Variants in SORCS2 observed in about 807,000 individuals in gnomAD.
The protein encoded by SORCS2 is sortilin related VPS10 domain containing receptor 2, also known as VPS10 domain-containing receptor SorCS2.
SORCS2 carries 100 observed loss-of-function variants against 141.6 expected under a neutral mutation model. The ratio of observed to expected loss-of-function variants is 0.71; its 90% CI spans 0.60 to 0.83. The LOEUF (loss-of-function observed/expected upper bound fraction) is 0.83, where lower values mean the gene tolerates loss of function less well. Ranked by LOEUF, SORCS2 falls within the 40% of genes least tolerant of loss-of-function variation. The probability of loss-of-function intolerance (pLI) is 0.00; values close to 1 mark genes in which losing one functional copy is unlikely to be tolerated. For synonymous variants in SORCS2, 789 were observed against 676.9 expected (o/e 1.17, Z -2.57); for missense variants, 1,646 against 1,560.2 (o/e 1.05, Z -0.93).
intron 11 of SORCS2, among the ~76,000 whole-genome samples, chr4:7,689,962 G>A (rs1724116134): frequency 6.6e-6 from 1 of 152,136 alleles, no homozygotes; most frequent in African/African-American, 2.4e-5. Flanking sequence ...TCAATGGATG[G>A]ATGATGGATG....
intron 1 of SORCS2, among the ~76,000 whole-genome samples, chr4:7,298,117 C>T (rs377649265): frequency 5.3e-5 from 8 of 152,136 alleles, no homozygotes; most frequent in African/African-American, 1.9e-4. Flanking sequence ...GACAAGGAGG[C>T]GACGGGGCTG....
At chr4:7,645,137 C>T (rs1031138630) in intron 4 of SORCS2, among the ~76,000 whole-genome samples, 3 of 152,208 alleles carry the variant, frequency 2.0e-5, no homozygotes, top group Non-Finnish European at 2.9e-5. Flanking sequence ...GGTGACGACT[C>T]GCTTTTTAGG....
rs1465408638 is a variant in SORCS2 at position 7,648,498 on chromosome 4, G to A, written c.814-5636G>A. Among the ~76,000 whole-genome samples the A allele has an allele frequency of 6.6e-6, 1 of 152,150 alleles. No individual in the cohort carries two copies. The highest frequency in any genetic ancestry group is 2.4e-5 in the African/African-American group (1 of 41,432). ...CTCTGCCTGGGAGTATTTATAGAGGGCCTTCTAGGTTTCAGGAGCTGGGGC... is the reference window on the plus strand; with the variant it reads ...CTCTGCCTGGGAGTATTTATAGAGGACCTTCTAGGTTTCAGGAGCTGGGGC... On this transcript the variant is annotated intron_variant, in intron 4 of 26. Transcript: ENST00000507866. This position sits in a 1 kb window ranked among gnomAD's most constrained non-coding sequence, Gnocchi z 4.2.
At chr4:7,685,544 G>A (rs1054268722) in intron 10 of SORCS2, among the ~76,000 whole-genome samples, 2 of 152,154 alleles carry the variant, frequency 1.3e-5, no homozygotes, top group African/African-American at 2.4e-5. Context: ...GGTGGCACAT[G>A]CCTATAATCC....
rs1290078340 is a variant in SORCS2 at position 7,317,133 on chromosome 4, CA to C, written c.481-79154del. On this transcript the variant is annotated intron_variant, in intron 1 of 26. Coordinates refer to ENST00000507866, the MANE Select transcript of SORCS2 (RefSeq NM_020777.3). ...AATGTGTGCAGATCAAGAGCTTGCT[CA>C]GTCAACATTAATAAATGGCCATGGT... Among the ~76,000 whole-genome samples, 4 of 152,180 alleles carry C rather than the reference CA, an allele frequency of 2.6e-5. No homozygotes were observed. In the East Asian group the frequency reaches 7.7e-4, roughly 29 times the overall value.
intron 8 of SORCS2, among the ~76,000 whole-genome samples, chr4:7,669,275 C>T (rs1722665899): frequency 6.6e-6 from 1 of 152,240 alleles, no homozygotes; most frequent in Admixed American, 6.5e-5. Context: ...GGGCAGGTGG[C>T]ATGTGCTGTG....
At chr4:7,338,173 A>ATGGATGGATGT (rs140364453) in intron 1 of SORCS2, among the ~76,000 whole-genome samples, 71,486 of 145,094 alleles carry the variant, frequency 0.49, 17,842 homozygotes, top group African/African-American at 0.55. Context: ...GGATGGATGG[A>ATGGATGGATGT]TGGATGGATG....
At position 7,192,705 on chromosome 4, in the gene SORCS2, CGAGCCCCGG is replaced by C; in HGVS notation, c.61_69del (p.Ser21_Gly23del). On this transcript the variant is annotated inframe_deletion, in exon 1 of 27. Transcript: ENST00000507866. The surrounding 1 kb of genome is among the most constrained non-coding windows in gnomAD (Gnocchi z 4.0). The stretch of plus-strand genomic sequence containing the variant: ...GGCCCCGGCCCCACCGCCCGAGCCC[CGAGCCCCGG>C]GGCTCCGCCGCCGCCGCGCTCGCCG... 5.1e-6 allele frequency: 5 copies of C among 989,570 alleles called. No homozygotes were observed. The highest frequency in any genetic ancestry group is 6.0e-6 in the Non-Finnish European group (5 of 834,230). The allele number at this position is 989,570 out of a possible 1,614,324, so 61.3% of individuals were successfully genotyped here.
intron 1 of SORCS2, among the ~76,000 whole-genome samples, chr4:7,226,870 T>C (rs1374479694): frequency 6.6e-6 from 1 of 152,214 alleles, no homozygotes; most frequent in Non-Finnish European, 1.5e-5. Context: ...TTTTCCCTTC[T>C]GGGTCTCCTC....
chr4:7,612,470 C>T (rs1364910580), intron 3 of SORCS2, among the ~76,000 whole-genome samples: 1 of 152,152 alleles, frequency 6.6e-6, no homozygotes, highest in Admixed American at 6.5e-5. Flanking sequence ...TAAGGACAGG[C>T]CTCTGCCTGA....
At chr4:7,712,912 A>T in intron 15 of SORCS2, 59 bp downstream of exon 15, 1 of 1,592,504 alleles carries the variant, frequency 6.3e-7, no homozygotes, top group South Asian at 1.1e-5. Context: ...ACACAGGCCC[A>T]CTCTGCCTGC....
intron 2 of SORCS2, among the ~76,000 whole-genome samples, chr4:7,521,830 C>A (rs538689904): frequency 2.0e-5 from 3 of 152,240 alleles, no homozygotes; most frequent in Non-Finnish European, 4.4e-5. Flanking sequence ...ACTCAAGGGG[C>A]CTTGCAGCTG....
chr4:7,237,255 A>C (rs1712349367), intron 1 of SORCS2, among the ~76,000 whole-genome samples: 1 of 152,258 alleles, frequency 6.6e-6, no homozygotes, highest in African/African-American at 2.4e-5. Context: ...CAAGATGCCC[A>C]GGAAAACCTC....
chr4:7,379,469 C>T (rs920566450), intron 1 of SORCS2, among the ~76,000 whole-genome samples: 3 of 152,186 alleles, frequency 2.0e-5, no homozygotes, highest in African/African-American at 4.8e-5. Context: ...GAGTTGTGCA[C>T]ATGGAAAGGC....
intron 23 of SORCS2, among the ~76,000 whole-genome samples, chr4:7,730,748 G>A (rs553037885): frequency 6.6e-6 from 1 of 152,340 alleles, no homozygotes; most frequent in Non-Finnish European, 1.5e-5. Flanking sequence ...CGCATGGCGA[G>A]TGACTGCTAA....
In SORCS2 at chr4:7,724,619, GGA is replaced by G. The variant is rs1560114292; in HGVS notation, c.2612-534_2612-533del. On this transcript the variant is annotated intron_variant, in intron 19 of 26. Transcript: ENST00000507866. ...GTGATGGTGGTGATAGTGCTGGTGA[GGA>G]TGGTGATGGTGGTGATGGTGGAGGT... Among the ~76,000 whole-genome samples the G allele has an allele frequency of 2.7e-3, 164 of 61,622 alleles. 12 individuals are homozygous for G. Among genetic ancestry groups the G allele is most frequent in the Non-Finnish European group, 4.2e-3 (138 of 32,588 alleles). The allele number at this position is 61,622 out of a possible 152,430, so 40.4% of individuals were successfully genotyped here. A position where few individuals can be genotyped will look rare whatever the true frequency, so the allele number is the denominator to read the frequency against.
chr4:7,384,909 G>A (rs960948847), intron 1 of SORCS2, among the ~76,000 whole-genome samples: 5 of 152,238 alleles, frequency 3.3e-5, no homozygotes, highest in African/African-American at 1.2e-4. Context: ...TCAGGCAGGT[G>A]GAGGTCCAGG....
At chr4:7,540,161 T>C (rs1424095806) in intron 3 of SORCS2, among the ~76,000 whole-genome samples, 2 of 50,888 alleles carry the variant, frequency 3.9e-5, no homozygotes, top group African/African-American at 1.8e-4. Flanking sequence ...CGCCCCTGCC[T>C]CTCCCTGCCC....
intron 1 of SORCS2, among the ~76,000 whole-genome samples, chr4:7,374,464 C>CTGGCAGCAT (rs1232530971): frequency 2.6e-5 from 4 of 152,200 alleles, no homozygotes; most frequent in African/African-American, 9.7e-5. Context: ...GGGTGCCACG[C>CTGGCAGCAT]TGGCAGCATT....
Sources: allele counts gnomAD v4.1 joint callset (sites outside exome capture counted in the v4.1 genomes callset), GRCh38; gene constraint gnomAD v4.1.1; non-coding constraint Gnocchi (gnomAD v3.1); transcripts MANE v1.5; gene names NCBI Gene and HGNC (gene_info 2026-07-23, HGNC 2026-07-21).